FSIP2: variants seen among roughly 807,000 people sequenced by gnomAD.
FSIP2 encodes fibrous sheath interacting protein 2.
FSIP2 carries 367 observed loss-of-function variants against 510.5 expected under a neutral mutation model. The observed-to-expected ratio is 0.72, with a 90% confidence interval of 0.66 to 0.78. The LOEUF (loss-of-function observed/expected upper bound fraction) is 0.78. Among genes scored for constraint, FSIP2 ranks in the 30% least tolerant of loss-of-function variants. The pLI, the probability that FSIP2 is intolerant of heterozygous loss-of-function variation, is 0.00. For missense variants in FSIP2, 7,594 were observed against 7,901.7 expected (o/e 0.96, Z 1.48); for synonymous variants, 2,601 against 2,732.2 (o/e 0.95, Z 1.50).
At position 185,805,521 on chromosome 2, in the gene FSIP2, C is replaced by A. The variant is rs764682253; in HGVS notation, c.16215C>A (p.Thr5405=). Residue 5405 remains threonine, a synonymous_variant, in exon 17 of 23, where the codon ACC becomes ACA. Coordinates refer to ENST00000424728, the MANE Select transcript of FSIP2 (RefSeq NM_173651.4). ...TTTTTTCAGGAGACTGGTCTTCCAC[C>A]TTCTTTTCATTTCTAAATCCAGATA... ...QPLFSGDWSS[T]FFSFLNPDNI... is the part of the protein sequence containing the mutation. 6.2e-7 allele frequency: 1 copy of A among 1,611,394 alleles called. No homozygotes were observed. The highest frequency in any genetic ancestry group is 1.3e-5 in the African/African-American group (1 of 74,726).
Position 185,802,057 on chromosome 2 carries a change from A to T in FSIP2, c.12751A>T (p.Ile4251Phe), listed in dbSNP as rs2105640794. ...IMIDQIASFI[I>F]QEIIENHLQP... is the part of the protein sequence containing the mutation. ...GATTGACCAAATAGCCAGCTTTATC[A>T]TCCAAGAGATTATCGAAAATCATCT... is the stretch of plus-strand genomic sequence containing the variant. The change falls in exon 17 of 23, where the codon ATC (isoleucine) becomes TTC (phenylalanine). Residue 4251 changes from isoleucine to phenylalanine, a missense_variant. Physicochemically the swap from Ile to Phe is conservative, Grantham distance 21 (BLOSUM62 0). Transcript: ENST00000424728. 1 of 1,533,068 alleles carries T rather than the reference A, an allele frequency of 6.5e-7. No homozygotes were observed. Among genetic ancestry groups the T allele is most frequent in the East Asian group, 2.4e-5 (1 of 40,820 alleles). The allele number at this position is 1,533,068 out of a possible 1,614,324, so 95.0% of individuals were successfully genotyped here. A position where few individuals can be genotyped will look rare whatever the true frequency, so the allele number is the denominator to read the frequency against.
chr2:185,820,497 T>A (rs1427915268), intron 19 of FSIP2, among the ~76,000 whole-genome samples: 7 of 151,438 alleles, frequency 4.6e-5, no homozygotes, highest in Admixed American at 4.6e-4. Flanking sequence ...ATATATTGTT[T>A]TATATATACA....
chr2:185,784,990 A>G (rs1422326616), intron 14 of FSIP2, among the ~76,000 whole-genome samples: 1 of 152,080 alleles, frequency 6.6e-6, no homozygotes, highest in Non-Finnish European at 1.5e-5. Flanking sequence ...GACTAATTTT[A>G]CCTGTAGGCC....
chr2:185,748,683 A>T (rs1406623662), intron 7 of FSIP2, among the ~76,000 whole-genome samples: 2 of 152,098 alleles, frequency 1.3e-5, no homozygotes, highest in Non-Finnish European at 2.9e-5. Flanking sequence ...TTTAGTGAAG[A>T]CTAATGCAAC....
At chr2:185,740,849 T>G (rs1162246170) in intron 2 of FSIP2, among the ~76,000 whole-genome samples, 1 of 152,152 alleles carries the variant, frequency 6.6e-6, no homozygotes, top group East Asian at 1.9e-4. Context: ...CCCCAGCTCC[T>G]AATGCCATCA....
Position 185,789,310 on chromosome 2 carries a change from C to G in FSIP2, c.2174C>G (p.Ser725Cys), listed in dbSNP as rs965981113. ...IMSDLTQAIP[S>C]LSSVTAEVFV... ...TCTGATTTAACCCAGGCCATTCCCT[C>G]TCTCTCTTCTGTTACTGCTGAAGTT... Residue 725 changes from serine (S) to cysteine (C), a missense_variant, in exon 16 of 23, where the codon TCT becomes TGT. Coordinates refer to ENST00000424728, the MANE Select transcript of FSIP2 (RefSeq NM_173651.4). 4 of 1,534,634 alleles carry G rather than the reference C, an allele frequency of 2.6e-6. No homozygotes were observed. The African/African-American group carries it at 5.5e-5, about 21-fold the overall frequency.
At chr2:185,818,454 A>T (rs1485213199) in intron 19 of FSIP2, among the ~76,000 whole-genome samples, 1 of 151,938 alleles carries the variant, frequency 6.6e-6, no homozygotes, top group Non-Finnish European at 1.5e-5. Context: ...GAAGAAATAC[A>T]TACACAAATA....
At chr2:185,756,704 A>G (rs1332708110) in intron 9 of FSIP2, among the ~76,000 whole-genome samples, 2 of 151,290 alleles carry the variant, frequency 1.3e-5, no homozygotes, top group African/African-American at 2.4e-5. Context: ...ATGTCACTTC[A>G]TGTTGTTCAT....
intron 2 of FSIP2, chr2:185,740,230 G>A (rs2370473): frequency 0.065 from 9,909 of 152,084 alleles, 402 homozygotes; most frequent in Middle Eastern, 0.14. Context: ...AACTGTGATA[G>A]CCCCCCCGTT....
chr2:185,823,838 T>C (rs1265618700), intron 19 of FSIP2, among the ~76,000 whole-genome samples: 2 of 151,794 alleles, frequency 1.3e-5, no homozygotes, highest in South Asian at 4.1e-4. Context: ...TGTCCATCGA[T>C]AGATGAATAA....
chr2:185,776,542 A>G (rs189999946), intron 13 of FSIP2, among the ~76,000 whole-genome samples: 22 of 152,234 alleles, frequency 1.4e-4, no homozygotes, highest in African/African-American at 5.1e-4. Flanking sequence ...CTCTATTGAC[A>G]TTAATTTTGA....
rs1553493309 is a variant in FSIP2 at position 185,751,486 on chromosome 2, T to TGTGTGTGC, written c.871-2229_871-2228insCGTGTGTG. On this transcript the variant is annotated intron_variant, in intron 7 of 22. Transcript: ENST00000424728. ...CTGTGTGTGTGTGTGTGTGTGTGTGTGTGTGTGTGTGTGGTTACTACTCAT... is the reference window on the plus strand; with the variant it reads ...CTGTGTGTGTGTGTGTGTGTGTGTGTGTGTGTGCGTGTGTGTGTGTGGTTACTACTCAT... Among the ~76,000 whole-genome samples, 5 of 149,566 alleles carry TGTGTGTGC rather than the reference T, an allele frequency of 3.3e-5. No individual in the cohort carries two copies. In the South Asian group the frequency reaches 6.3e-4, roughly 19 times the overall value.
Position 185,804,006 on chromosome 2 carries a change from A to C in FSIP2, c.14700A>C (p.Ile4900=). The C allele has an allele frequency of 6.7e-7, 1 of 1,497,756 alleles. No individual in the cohort carries two copies. Among genetic ancestry groups the C allele is most frequent in the Non-Finnish European group, 8.9e-7 (1 of 1,128,258 alleles). The allele number at this position is 1,497,756 out of a possible 1,614,324, so 92.8% of individuals were successfully genotyped here. ...TTTCAAAAATAGCGAGTTTTATAAT[A>C]AAAGAAATCTTTAACCATCATATTC... is the stretch of plus-strand genomic sequence containing the variant. ...IPVSKIASFI[I]KEIFNHHIQS... is the part of the protein sequence containing the mutation. Residue 4900 remains isoleucine, a synonymous_variant, in exon 17 of 23, where the codon ATA becomes ATC. Coordinates refer to ENST00000424728, the MANE Select transcript of FSIP2 (RefSeq NM_173651.4).
intron 14 of FSIP2, among the ~76,000 whole-genome samples, chr2:185,784,680 A>G (rs1692927106): frequency 6.6e-6 from 1 of 152,110 alleles, no homozygotes; most frequent in Non-Finnish European, 1.5e-5. Flanking sequence ...TTTCAAGGAT[A>G]TTATGAAGCT....
chr2:185,825,314 A>G (rs1693996089), intron 20 of FSIP2, among the ~76,000 whole-genome samples: 1 of 151,768 alleles, frequency 6.6e-6, no homozygotes, highest in South Asian at 2.1e-4. Context: ...TCATACAACC[A>G]TACTCATTTT....
intron 13 of FSIP2, chr2:185,766,391 T>C (rs866892770): frequency 0.014 from 2,119 of 147,794 alleles, 33 homozygotes; most frequent in African/African-American, 0.05. Flanking sequence ...ACCTACAAAA[T>C]GGGAGAAAAT....
Position 185,793,670 on chromosome 2 carries a change from G to T in FSIP2, c.6534G>T (p.Lys2178Asn), listed in dbSNP as rs747061013. 2.6e-6 allele frequency: 4 copies of T among 1,534,610 alleles called. No individual in the cohort carries two copies. The highest frequency in any genetic ancestry group is 1.7e-6 in the Non-Finnish European group (2 of 1,145,842). The change falls in exon 16 of 23, where the codon AAG becomes AAT. Residue 2178 changes from lysine (K) to asparagine (N), a missense_variant. By Grantham distance (94) the Lys-to-Asn change is moderately conservative. Coordinates refer to ENST00000424728, the MANE Select transcript of FSIP2 (RefSeq NM_173651.4). ...SSAATLVINA[K>N]NPTSARLPLT... ...CTGCCACGCTTGTCATAAATGCAAA[G>T]AATCCTACTTCTGCAAGATTGCCCC...
intron 1 of FSIP2, 30 bp from the exon 2 acceptor site, chr2:185,739,316 A>G (rs1280615952): frequency 2.0e-6 from 3 of 1,503,392 alleles, no homozygotes; most frequent in Non-Finnish European, 2.6e-6. Flanking sequence ...CCTAAAAGGA[A>G]AGACAAAACT....
Position 185,813,824 on chromosome 2 carries a change from A to G in FSIP2, c.20107A>G (p.Thr6703Ala). ...PIQSKLSPKS[T>A]LSTSSLKKFL... ...ACAAAGCAAACTTTCTCCTAAGTCA[A>G]CACTAAGCACGAGCAGCCTGAAAAA... The change falls in exon 18 of 23, where the codon ACA (threonine) becomes GCA (alanine). Residue 6703 changes from threonine to alanine, a missense_variant. Physicochemically the swap from Thr to Ala is moderately conservative, Grantham distance 58. Coordinates refer to ENST00000424728, the MANE Select transcript of FSIP2 (RefSeq NM_173651.4). 1.9e-6 allele frequency: 3 copies of G among 1,613,644 alleles called. No individual in the cohort carries two copies. In the East Asian group the frequency reaches 6.7e-5, roughly 36 times the overall value.
Sources: gnomAD v4.1 joint callset for allele counts (sites outside exome capture counted in the v4.1 genomes callset) on GRCh38, gnomAD v4.1.1 for gene constraint, MANE v1.5 for transcripts, NCBI Gene and HGNC (gene_info 2026-07-23, HGNC 2026-07-21) for gene names.